SGCD: variants seen among roughly 807,000 people sequenced by gnomAD.
SGCD encodes the protein delta-sarcoglycan.
A neutral mutation model predicts 36.6 loss-of-function variants in SGCD; 18 were observed. The observed-to-expected ratio is 0.49, with a 90% CI of 0.34 to 0.73. The LOEUF is 0.73. Among genes scored for constraint, SGCD ranks in the 30% least tolerant of loss-of-function variants. The probability of loss-of-function intolerance (pLI) is 0.01; values close to 1 mark genes in which losing one functional copy is unlikely to be tolerated. For synonymous variants in SGCD, 133 were observed against 130.6 expected (o/e 1.02, Z -0.12); for missense variants, 387 against 346.7 (o/e 1.12, Z -0.92).
At chr5:155,816,660 G>C in the SGCD span, among the ~76,000 whole-genome samples, 1 of 152,158 alleles carries the variant, frequency 6.6e-6, no homozygotes, top group Non-Finnish European at 1.5e-5. Context: ...GGCACTGAAG[G>C]AGAGCTTCCT....
At chr5:156,342,846 A>G (rs552170579) in intron 2 of SGCD, among the ~76,000 whole-genome samples, 4 of 152,340 alleles carry the variant, frequency 2.6e-5, no homozygotes, top group South Asian at 2.1e-4. Flanking sequence ...ATGGGAAATC[A>G]TTCATTGGGT....
At chr5:156,237,618 G>A (rs13357819) in intron 3 of SGCD, among the ~76,000 whole-genome samples, 2,099 of 152,106 alleles carry the variant, frequency 0.014, 48 homozygotes, top group African/African-American at 0.048. Flanking sequence ...GAGTGAGACT[G>A]TCTCAAAATG....
At chr5:156,053,428 G>C (rs1338715906) in intron 1 of SGCD, among the ~76,000 whole-genome samples, 2 of 146,430 alleles carry the variant, frequency 1.4e-5, no homozygotes, top group Non-Finnish European at 3.1e-5. Context: ...TAGTGAGGGG[G>C]TGAGAGGCAG....
At chr5:156,284,464 C>T (rs936213316) in intron 3 of SGCD, among the ~76,000 whole-genome samples, 14 of 152,120 alleles carry the variant, frequency 9.2e-5, no homozygotes, top group Non-Finnish European at 1.9e-4. Flanking sequence ...CATCAAAAAG[C>T]TTATCCAACA....
At chr5:155,898,116 TGTCTTTTCA>T (rs1580978547) in intron 1 of SGCD, among the ~76,000 whole-genome samples, 3 of 152,342 alleles carry the variant, frequency 2.0e-5, no homozygotes, top group East Asian at 1.9e-4. Flanking sequence ...CTCCTTTTGC[TGTCTTTTCA>T]GTTTGTAACC....
the SGCD span, among the ~76,000 whole-genome samples, chr5:155,768,849 T>C: frequency 1.3e-5 from 2 of 152,278 alleles, no homozygotes; most frequent in African/African-American, 4.8e-5. Context: ...TCGATGTCCT[T>C]TTCAGATCTC....
At chr5:156,683,932 C>T (rs1753812555) in intron 7 of SGCD, among the ~76,000 whole-genome samples, 1 of 152,074 alleles carries the variant, frequency 6.6e-6, no homozygotes, top group South Asian at 2.1e-4. Context: ...AGTGAGACTC[C>T]ACAAAAAGTT....
chr5:155,729,564 T>A, the SGCD span, among the ~76,000 whole-genome samples: 1 of 152,224 alleles, frequency 6.6e-6, no homozygotes, highest in East Asian at 1.9e-4. Flanking sequence ...TGATCCGCGG[T>A]GCGGTGCGGG....
At chr5:155,838,755 C>A in the SGCD span, among the ~76,000 whole-genome samples, 11 of 144,558 alleles carry the variant, frequency 7.6e-5, no homozygotes, top group Non-Finnish European at 1.5e-4. Flanking sequence ...TTCCATTAAG[C>A]CATATATTAA....
At chr5:155,848,404 G>A in the SGCD span, among the ~76,000 whole-genome samples, 95 of 152,236 alleles carry the variant, frequency 6.2e-4, 2 homozygotes, top group South Asian at 0.01. Context: ...AGAGGTTGGT[G>A]CCAGGGCAGA....
intron 1 of SGCD, among the ~76,000 whole-genome samples, chr5:156,073,976 C>G (rs1012384077): frequency 5.1e-4 from 77 of 152,186 alleles, no homozygotes; most frequent in African/African-American, 1.8e-3. Context: ...CCAGCTAGGT[C>G]TTGAAGGGTG....
intron 3 of SGCD, among the ~76,000 whole-genome samples, chr5:156,440,360 T>C (rs1284765137): frequency 6.6e-6 from 1 of 152,222 alleles, no homozygotes. Flanking sequence ...GTTTATCCAT[T>C]TATCAGTTGA....
chr5:155,862,849 T>A, the SGCD span, among the ~76,000 whole-genome samples: 4 of 152,236 alleles, frequency 2.6e-5, no homozygotes, highest in African/African-American at 9.6e-5. Flanking sequence ...ATGTGCCATG[T>A]GCTCTATGTG....
At chr5:156,713,587 A>G (rs1755096434) in intron 7 of SGCD, among the ~76,000 whole-genome samples, 1 of 152,144 alleles carries the variant, frequency 6.6e-6, no homozygotes, top group Non-Finnish European at 1.5e-5. Flanking sequence ...CCTGTGAGTT[A>G]ATCTTTCCTA....
intron 1 of SGCD, among the ~76,000 whole-genome samples, chr5:156,023,392 G>A (rs1052352909): frequency 6.6e-6 from 1 of 152,228 alleles, no homozygotes; most frequent in African/African-American, 2.4e-5. Flanking sequence ...ATTGGAGTGA[G>A]AATTAGAATT....
At chr5:155,778,817 C>G in the SGCD span, among the ~76,000 whole-genome samples, 1 of 152,156 alleles carries the variant, frequency 6.6e-6, no homozygotes, top group African/African-American at 2.4e-5. Context: ...AGTTTGTGAG[C>G]ATATTTTATA....
At chr5:156,417,321 G>A (rs1052670330) in intron 3 of SGCD, among the ~76,000 whole-genome samples, 1 of 152,062 alleles carries the variant, frequency 6.6e-6, no homozygotes, top group African/African-American at 2.4e-5. Flanking sequence ...TACCTCTCTA[G>A]TCATTAATAA....
chr5:156,566,093 A>G (rs1434377542), intron 4 of SGCD, among the ~76,000 whole-genome samples: 33 of 152,202 alleles, frequency 2.2e-4, no homozygotes, highest in Admixed American at 2.2e-3. Context: ...AAACATGAAA[A>G]AAAGCTCAGC....
intron 3 of SGCD, among the ~76,000 whole-genome samples, chr5:156,235,626 C>A (rs1179721042): frequency 6.6e-6 from 1 of 152,030 alleles, no homozygotes; most frequent in African/African-American, 2.4e-5. Flanking sequence ...TTTTTTTCTT[C>A]TCTTCCCTAC....
Sources: gnomAD v4.1 joint callset for allele counts (sites outside exome capture counted in the v4.1 genomes callset) on GRCh38, gnomAD v4.1.1 for gene constraint, MANE v1.5 for transcripts, NCBI Gene and HGNC (gene_info 2026-07-23, HGNC 2026-07-21) for gene names.